Variants in TTC28 observed in about 807,000 individuals in gnomAD.
TTC28 encodes the protein tetratricopeptide repeat protein 28.
A neutral mutation model predicts 198.0 loss-of-function variants in TTC28; 61 were observed. That is an observed-to-expected ratio of 0.31 (90% CI 0.25 to 0.38). The LOEUF (loss-of-function observed/expected upper bound fraction) is 0.38, where lower values mean the gene tolerates loss of function less well. Ranked by LOEUF, TTC28 falls within the 10% of genes least tolerant of loss-of-function variation. The pLI, the probability that TTC28 is intolerant of heterozygous loss-of-function variation, is 1.00. For missense variants in TTC28, 2,678 were observed against 3,164.0 expected, an observed-to-expected ratio of 0.85 and a Z score of 3.69; for synonymous variants, 1,171 against 1,297.8, an observed-to-expected ratio of 0.90 and a Z score of 2.10.
At chr22:28,587,687 T>TC (rs1169526371) in intron 2 of TTC28, among the ~76,000 whole-genome samples, 35 of 151,654 alleles carry the variant, frequency 2.3e-4, no homozygotes, top group Non-Finnish European at 1.8e-4. Context: ...CCTCAAGTGA[T>TC]CCCCCCACCT....
intron 2 of TTC28, among the ~76,000 whole-genome samples, chr22:28,518,676 A>G (rs1052179112): frequency 2.0e-5 from 3 of 152,246 alleles, no homozygotes; most frequent in Non-Finnish European, 2.9e-5. Flanking sequence ...ATTAGTATCT[A>G]AGATTAAATA....
At chr22:28,243,116 T>C (rs938620299) in intron 5 of TTC28, among the ~76,000 whole-genome samples, 4 of 136,850 alleles carry the variant, frequency 2.9e-5, no homozygotes, top group East Asian at 2.2e-4. Flanking sequence ...AGCAAGTGGA[T>C]TGCTTGAGCC....
chr22:28,465,676 A>G (rs1309774979), intron 2 of TTC28, among the ~76,000 whole-genome samples: 1 of 152,194 alleles, frequency 6.6e-6, no homozygotes, highest in Non-Finnish European at 1.5e-5. Flanking sequence ...AGTTAGATTT[A>G]GGTCCTAAAT....
chr22:28,247,347 TATA>T (rs1930176052), intron 5 of TTC28, among the ~76,000 whole-genome samples: 1 of 152,182 alleles, frequency 6.6e-6, no homozygotes, highest in Admixed American at 6.5e-5. Flanking sequence ...GGATAAGGAA[TATA>T]ATGAGAATCA....
At chr22:28,138,106 T>A (rs964087667) in intron 6 of TTC28, among the ~76,000 whole-genome samples, 11 of 152,170 alleles carry the variant, frequency 7.2e-5, no homozygotes, top group African/African-American at 2.4e-4. Flanking sequence ...AAGGGAGATG[T>A]GTCAAGGAAT....
chr22:28,117,325 C>G (rs1385534463), intron 6 of TTC28, among the ~76,000 whole-genome samples: 2 of 152,158 alleles, frequency 1.3e-5, no homozygotes, highest in Non-Finnish European at 1.5e-5. Flanking sequence ...TATTAAGCCA[C>G]TAAGATTTAT....
intron 1 of TTC28, among the ~76,000 whole-genome samples, chr22:28,639,044 T>A (rs1398905525): frequency 6.6e-6 from 1 of 152,214 alleles, no homozygotes; most frequent in Non-Finnish European, 1.5e-5. Context: ...TCTAGAAATT[T>A]TCTCCACTTC....
At chr22:28,255,145 C>T (rs975176929) in intron 5 of TTC28, among the ~76,000 whole-genome samples, 3 of 151,998 alleles carry the variant, frequency 2.0e-5, no homozygotes, top group Admixed American at 6.6e-5. Context: ...CAATCATGCC[C>T]AGTAAAAATG....
chr22:28,316,939 A>T (rs748897886), intron 2 of TTC28, among the ~76,000 whole-genome samples: 20 of 151,388 alleles, frequency 1.3e-4, no homozygotes, highest in Non-Finnish European at 2.1e-4. Flanking sequence ...GCTAACTTAA[A>T]TTTTTTTCTT....
rs573805843 is a variant in TTC28, at chr22:28,411,671, G to A, written c.382-105028C>T. ...TGTCAGTTTAATAGCTTTTACTATT[G>A]ATGATCTCTGTGGTTGCATAGGCAG... On this transcript the variant is annotated intron_variant, in intron 2 of 22. Coordinates refer to ENST00000397906, the MANE Select transcript of TTC28 (RefSeq NM_001145418.2). 7.2e-5 allele frequency among the ~76,000 whole-genome samples: 11 copies of A among 152,294 alleles called. No individual in the cohort carries two copies. In the South Asian group the frequency reaches 2.1e-3, roughly 29 times the overall value.
intron 13 of TTC28, among the ~76,000 whole-genome samples, chr22:28,020,748 G>C (rs978454671): frequency 6.6e-6 from 1 of 151,890 alleles, no homozygotes; most frequent in Admixed American, 6.6e-5. Context: ...TCATGGTGCA[G>C]ACAGCAGCCT....
At chr22:28,269,004 C>T (rs1931867903) in intron 5 of TTC28, among the ~76,000 whole-genome samples, 1 of 152,146 alleles carries the variant, frequency 6.6e-6, no homozygotes, top group African/African-American at 2.4e-5. Flanking sequence ...TAATACAGGT[C>T]TCAATGTGCT....
intron 3 of TTC28, among the ~76,000 whole-genome samples, chr22:28,303,156 C>A (rs2045061851): frequency 6.6e-6 from 1 of 152,144 alleles, no homozygotes; most frequent in Non-Finnish European, 1.5e-5. Flanking sequence ...GCCCTAGCAT[C>A]TTTAGAGGAA....
chr22:28,647,388 A>C (rs534713058), intron 1 of TTC28, among the ~76,000 whole-genome samples: 1 of 152,280 alleles, frequency 6.6e-6, no homozygotes, highest in South Asian at 2.1e-4. Flanking sequence ...AATAAATAGG[A>C]CTTAAACTAG....
At position 28,357,899 on chromosome 22, in the gene TTC28, G is replaced by A. The variant is rs543579283; in HGVS notation, c.382-51256C>T. Among the ~76,000 whole-genome samples the A allele has an allele frequency of 2.6e-5, 4 of 152,160 alleles. No homozygotes were observed. The East Asian group carries it at 5.8e-4, about 22-fold the overall frequency. ...TGAGAGCCGATTCGTCGATTTAGCT[G>A]GGGAAAAGTTCATCAAAATGCCAGA... On this transcript the variant is annotated intron_variant, in intron 2 of 22. Transcript: ENST00000397906.
chr22:28,180,085 TG>T, intron 5 of TTC28, among the ~76,000 whole-genome samples: 1 of 152,314 alleles, frequency 6.6e-6, no homozygotes, highest in East Asian at 1.9e-4. Context: ...AGGGTTTTCA[TG>T]GGGAATCAAT....
rs190981043 is a variant in TTC28 at position 28,202,915 on chromosome 22, C to G, written c.934-39316G>C. Among the ~76,000 whole-genome samples the G allele has an allele frequency of 2.0e-4, 30 of 152,138 alleles. No homozygotes were observed. The East Asian group carries it at 5.4e-3, about 28-fold the overall frequency. ...TCTTTTTTTTAAAGAAAAATAAACACTACGGATACAGTTTATTCCTTCCTT... is the reference window on the plus strand; with the variant it reads ...TCTTTTTTTTAAAGAAAAATAAACAGTACGGATACAGTTTATTCCTTCCTT... On this transcript the variant is annotated intron_variant, in intron 5 of 22. Coordinates refer to ENST00000397906, the MANE Select transcript of TTC28 (RefSeq NM_001145418.2).
At position 28,629,796 on chromosome 22, in the gene TTC28, C is replaced by T. The variant is rs1397005540; in HGVS notation, c.137G>A (p.Arg46Lys). 1 of 1,551,706 alleles carries T rather than the reference C, an allele frequency of 6.4e-7. No homozygotes were observed. Among genetic ancestry groups the T allele is most frequent in the Non-Finnish European group, 8.7e-7 (1 of 1,146,992 alleles). ...GCTCAGTACCGGTCCATCAGGACTT[C>T]TCTGGCCAATAGTGTCAGCACCAAA... ...PLFGADTIGQ[R>K]SPDGPVLSKA... Residue 46 changes from arginine to lysine, a missense_variant, in exon 2 of 23, where the codon AGA becomes AAA. Physicochemically the swap from Arg to Lys is conservative, Grantham distance 26 (BLOSUM62 2). This residue lies in a region of TTC28 where 176 missense variants were observed against 197.9 expected (regional missense o/e 0.89). Coordinates refer to ENST00000397906, the MANE Select transcript of TTC28 (RefSeq NM_001145418.2).
intron 19 of TTC28, among the ~76,000 whole-genome samples, chr22:27,991,845 C>A (rs190555189): frequency 6.6e-6 from 1 of 152,356 alleles, no homozygotes; most frequent in Admixed American, 6.5e-5. Context: ...ACCCGCCGAA[C>A]TCCTGAACTA....
Sources: gnomAD v4.1 joint callset for allele counts (sites outside exome capture counted in the v4.1 genomes callset) on GRCh38, gnomAD v4.1.1 for gene constraint, gnomAD v4.1.1 regional missense constraint, MANE v1.5 for transcripts, NCBI Gene and HGNC (gene_info 2026-07-23, HGNC 2026-07-21) for gene names.